Variants in CAST observed in about 807,000 individuals in gnomAD.
CAST encodes MIR583 host.
In CAST, 76 loss-of-function variants were observed where a neutral mutation model predicts 119.6. The ratio of observed to expected loss-of-function variants is 0.64; its 90% CI spans 0.53 to 0.77. The LOEUF is 0.77. CAST is among the 30% of genes least tolerant of loss of function. CAST has a pLI of 0.00. For missense variants in CAST, 953 were observed against 946.5 expected, an observed-to-expected ratio of 1.01 and a Z score of -0.09; for synonymous variants, 319 against 331.6, an observed-to-expected ratio of 0.96 and a Z score of 0.41.
At chr5:96,188,058 C>G in the CAST span, among the ~76,000 whole-genome samples, 1 of 152,242 alleles carries the variant, frequency 6.6e-6, no homozygotes, top group South Asian at 2.1e-4. Context: ...CATTCTCCCA[C>G]AGAACCTGGA....
the CAST span, among the ~76,000 whole-genome samples, chr5:95,983,609 T>C: frequency 6.6e-6 from 1 of 152,228 alleles, no homozygotes; most frequent in Non-Finnish European, 1.5e-5. Flanking sequence ...TTACTCCATT[T>C]TTATGTGCTT....
At chr5:96,722,074 C>T (rs1758374474) in intron 3 of CAST, among the ~76,000 whole-genome samples, 1 of 152,278 alleles carries the variant, frequency 6.6e-6, no homozygotes, top group Non-Finnish European at 1.5e-5. Flanking sequence ...AACACACTGG[C>T]AATTTAATGA....
chr5:96,445,810 C>T, the CAST span, among the ~76,000 whole-genome samples: 3 of 152,118 alleles, frequency 2.0e-5, no homozygotes, highest in Non-Finnish European at 4.4e-5. Context: ...TGGGTAAACC[C>T]GGGGGTAATG....
chr5:96,431,341 G>A, the CAST span, among the ~76,000 whole-genome samples: 1 of 152,066 alleles, frequency 6.6e-6, no homozygotes, highest in Non-Finnish European at 1.5e-5. Flanking sequence ...TTCTGTTCCC[G>A]GAGCAAATGT....
chr5:96,512,723 C>T, the CAST span, among the ~76,000 whole-genome samples: 1 of 152,114 alleles, frequency 6.6e-6, no homozygotes, highest in Non-Finnish European at 1.5e-5. Context: ...CAGCCATGTT[C>T]CTTTCCAAAG....
At chr5:96,499,223 C>T in the CAST span, among the ~76,000 whole-genome samples, 3 of 152,042 alleles carry the variant, frequency 2.0e-5, no homozygotes, top group Admixed American at 6.6e-5. Context: ...TATAAATGAA[C>T]ATCAATCCTT....
At chr5:96,045,712 C>T in the CAST span, among the ~76,000 whole-genome samples, 1 of 152,170 alleles carries the variant, frequency 6.6e-6, no homozygotes, top group South Asian at 2.1e-4. Context: ...TTGAGAATTA[C>T]CTGCTGAAGG....
At chr5:96,193,748 G>A in the CAST span, among the ~76,000 whole-genome samples, 1,367 of 152,224 alleles carry the variant, frequency 9.0e-3, 15 homozygotes, top group African/African-American at 0.031. Flanking sequence ...GTTTGGATTG[G>A]TCCAAACATC....
At chr5:96,592,752 C>G (rs1746985918) in intron 1 of CAST, among the ~76,000 whole-genome samples, 1 of 147,344 alleles carries the variant, frequency 6.8e-6, no homozygotes, top group Non-Finnish European at 1.5e-5. Flanking sequence ...ACTTACATTT[C>G]TGTTTTATTT....
At chr5:96,627,245 GCAAGATGAGAA>G (rs34511696) in intron 1 of CAST, among the ~76,000 whole-genome samples, 16,891 of 152,162 alleles carry the variant, frequency 0.11, 1,245 homozygotes, top group East Asian at 0.28. Context: ...TTCTTAACAG[GCAAGATGAGAA>G]CAATATATGC....
the CAST span, among the ~76,000 whole-genome samples, chr5:96,377,110 G>A: frequency 0.037 from 5,654 of 151,930 alleles, 307 homozygotes; most frequent in African/African-American, 0.12. Context: ...TATGTTTTAA[G>A]CCAACTTATT....
chr5:96,612,272 C>A (rs1406400238), intron 1 of CAST, among the ~76,000 whole-genome samples: 3 of 152,130 alleles, frequency 2.0e-5, no homozygotes, highest in Non-Finnish European at 2.9e-5. Flanking sequence ...GAAATCATGT[C>A]CTTTGCAGCA....
chr5:96,230,072 G>A, the CAST span, among the ~76,000 whole-genome samples: 8 of 152,244 alleles, frequency 5.3e-5, no homozygotes, highest in Admixed American at 2.0e-4. Context: ...AAGGATAGAC[G>A]TCCATTCTCA....
chr5:95,988,493 A>G, the CAST span, among the ~76,000 whole-genome samples: 6 of 152,298 alleles, frequency 3.9e-5, no homozygotes, highest in East Asian at 1.2e-3. Flanking sequence ...AAAGTCATAC[A>G]TAGAACATGT....
At chr5:96,244,985 A>G in the CAST span, among the ~76,000 whole-genome samples, 320 of 152,350 alleles carry the variant, frequency 2.1e-3, 3 homozygotes, top group African/African-American at 7.3e-3. Context: ...AAATATGTCT[A>G]TCAAAAGCAA....
chr5:96,020,116 T>G, the CAST span, among the ~76,000 whole-genome samples: 1 of 152,206 alleles, frequency 6.6e-6, no homozygotes, highest in Non-Finnish European at 1.5e-5. Flanking sequence ...AGTGGTTAGT[T>G]TGGCAAAGTC....
At chr5:96,548,709 A>G (rs2150181572) in intron 1 of CAST, among the ~76,000 whole-genome samples, 1 of 152,344 alleles carries the variant, frequency 6.6e-6, no homozygotes, top group South Asian at 2.1e-4. Context: ...TCTTCTCTCT[A>G]GTTTATTTCT....
intron 1 of CAST, among the ~76,000 whole-genome samples, chr5:96,540,043 G>A (rs889795514): frequency 2.0e-5 from 3 of 151,876 alleles, no homozygotes; most frequent in Non-Finnish European, 4.4e-5. Context: ...CCATAGTATA[G>A]CTTCAAATAT....
chr5:96,280,611 C>T, the CAST span, among the ~76,000 whole-genome samples: 7 of 152,168 alleles, frequency 4.6e-5, no homozygotes, highest in African/African-American at 1.7e-4. Context: ...CCTCAGTTTC[C>T]ACTTCTGTAA....
Sources: gnomAD v4.1 joint callset for allele counts (sites outside exome capture counted in the v4.1 genomes callset) on GRCh38, gnomAD v4.1.1 for gene constraint, MANE v1.5 for transcripts, NCBI Gene and HGNC (gene_info 2026-07-23, HGNC 2026-07-21) for gene names.